UBE2N: variants seen among roughly 807,000 people sequenced by gnomAD.
UBE2N encodes ubiquitin-conjugating enzyme E2 N.
For synonymous variants in UBE2N, 70 were observed against 69.2 expected (o/e 1.01, Z -0.06); for missense variants, 60 against 192.1 (o/e 0.31, Z 4.07).
intron 1 of UBE2N, among the ~76,000 whole-genome samples, chr12:93,437,292 G>A (rs1272498801): frequency 1.3e-5 from 2 of 151,568 alleles, no homozygotes; most frequent in African/African-American, 4.9e-5. Context: ...TGTATATAGT[G>A]TACTATGATC....
intron 1 of UBE2N, among the ~76,000 whole-genome samples, chr12:93,430,613 A>T (rs73216897): frequency 0.014 from 2,148 of 151,432 alleles, 28 homozygotes; most frequent in Non-Finnish European, 0.019. Context: ...ACTTCTGATT[A>T]AAAAAAACCA....
At position 93,414,390 on chromosome 12, in the gene UBE2N, G is replaced by A. The variant is rs11835514; in HGVS notation, c.31-3091C>T. On this transcript the variant is annotated intron_variant, in intron 1 of 3. Coordinates refer to ENST00000318066, the MANE Select transcript of UBE2N (RefSeq NM_003348.4). ...CTTGAACCCCGGAGGTGGAGGTTGCGGTGAGCCCCGATCATGCCATTGCTC... is the reference window on the plus strand; with the variant it reads ...CTTGAACCCCGGAGGTGGAGGTTGCAGTGAGCCCCGATCATGCCATTGCTC... Among the ~76,000 whole-genome samples, 1,252 of 151,194 alleles carry A rather than the reference G, an allele frequency of 8.3e-3. 18 individuals are homozygous for A. The highest frequency in any genetic ancestry group is 0.027 in the African/African-American group (1,119 of 41,154).
intron 1 of UBE2N, among the ~76,000 whole-genome samples, chr12:93,440,145 C>CT (rs1411458280): frequency 1.2e-4 from 19 of 152,200 alleles, no homozygotes; most frequent in Admixed American, 1.2e-3. Flanking sequence ...TGTCAACTTG[C>CT]ATTATGTACT....
chr12:93,440,188 G>C (rs1050911392), intron 1 of UBE2N, among the ~76,000 whole-genome samples: 2 of 152,134 alleles, frequency 1.3e-5, no homozygotes, highest in Non-Finnish European at 2.9e-5. Flanking sequence ...CGAAAACAAG[G>C]ATATTTGATG....
rs183996073 is a variant in UBE2N, at chr12:93,439,365, G to C, written c.30+2490C>G. ...TGGTGGCATGCACCTTGCAGTCCCA[G>C]CTATTGAAGAGGCTTAAGTGGGAGG... is the stretch of plus-strand genomic sequence containing the variant. On this transcript the variant is annotated intron_variant, in intron 1 of 3. Transcript: ENST00000318066. 2.0e-5 allele frequency among the ~76,000 whole-genome samples: 3 copies of C among 152,294 alleles called. No homozygotes were observed. The East Asian group carries it at 5.8e-4, about 29-fold the overall frequency.
chr12:93,423,007 T>C (rs899212068), intron 1 of UBE2N, among the ~76,000 whole-genome samples: 1 of 152,244 alleles, frequency 6.6e-6, no homozygotes, highest in Non-Finnish European at 1.5e-5. Flanking sequence ...GTTGGTAGTA[T>C]GCATCCAGCA....
At chr12:93,415,262 T>C (rs1402115081) in intron 1 of UBE2N, among the ~76,000 whole-genome samples, 1 of 152,132 alleles carries the variant, frequency 6.6e-6, no homozygotes, top group Non-Finnish European at 1.5e-5. Flanking sequence ...CTACAGGGCA[T>C]ACGTTAAAAA....
At chr12:93,438,566 T>A (rs545963844) in intron 1 of UBE2N, among the ~76,000 whole-genome samples, 1 of 150,050 alleles carries the variant, frequency 6.7e-6, no homozygotes, top group Admixed American at 6.6e-5. Flanking sequence ...CAGGGCCTTA[T>A]AGCTAAGGGG....
chr12:93,418,690 T>C (rs1878299832), intron 1 of UBE2N, among the ~76,000 whole-genome samples: 2 of 151,724 alleles, frequency 1.3e-5, no homozygotes, highest in South Asian at 2.1e-4. Flanking sequence ...AGAAATATAA[T>C]ACAAGCCACG....
At chr12:93,432,533 T>A (rs538494053) in intron 1 of UBE2N, among the ~76,000 whole-genome samples, 2 of 151,398 alleles carry the variant, frequency 1.3e-5, no homozygotes, top group African/African-American at 4.8e-5. Context: ...GAGTATAAGC[T>A]ATAATCTTAA....
chr12:93,412,308 C>T (rs1012051829), intron 1 of UBE2N, among the ~76,000 whole-genome samples: 5 of 152,182 alleles, frequency 3.3e-5, no homozygotes, highest in African/African-American at 1.2e-4. Flanking sequence ...TATTTCATGA[C>T]AAGTTAGATA....
intron 1 of UBE2N, 54 bp from the exon 2 acceptor site, chr12:93,411,353 C>T: frequency 1.3e-6 from 2 of 1,539,898 alleles, no homozygotes. Flanking sequence ...TGCTAGACAC[C>T]AAAAGTAAAA....
intron 1 of UBE2N, among the ~76,000 whole-genome samples, chr12:93,441,623 C>A (rs1879112860): frequency 6.6e-6 from 1 of 152,044 alleles, no homozygotes; most frequent in Non-Finnish European, 1.5e-5. Flanking sequence ...GCCGGGCAGC[C>A]GCCTGGAAGC....
chr12:93,434,881 A>C (rs76703245), intron 1 of UBE2N, among the ~76,000 whole-genome samples: 3,027 of 151,284 alleles, frequency 0.02, 50 homozygotes, highest in South Asian at 0.069. Context: ...TCTTCATCAT[A>C]ATGAGTTTGT....
At chr12:93,415,656 A>G (rs1041988657) in intron 1 of UBE2N, among the ~76,000 whole-genome samples, 1 of 152,198 alleles carries the variant, frequency 6.6e-6, no homozygotes, top group African/African-American at 2.4e-5. Context: ...ACTGGATGGT[A>G]AAATTCCTTG....
intron 1 of UBE2N, among the ~76,000 whole-genome samples, chr12:93,412,263 T>TC (rs1315812097): frequency 6.6e-6 from 1 of 152,186 alleles, no homozygotes; most frequent in African/African-American, 2.4e-5. Flanking sequence ...AGCATCTCCA[T>TC]CCCCATCCTC....
At chr12:93,410,990 G>A in intron 2 of UBE2N, 63 bp downstream of exon 2, 1 of 1,613,116 alleles carries the variant, frequency 6.2e-7, no homozygotes, top group East Asian at 2.2e-5. Context: ...TCTAAACATG[G>A]AATGCTTAAG....
intron 1 of UBE2N, among the ~76,000 whole-genome samples, chr12:93,415,862 T>C (rs1372103995): frequency 2.6e-5 from 4 of 152,162 alleles, no homozygotes; most frequent in African/African-American, 7.2e-5. Context: ...CAAAAGCGTA[T>C]CCCAAAATAG....
intron 1 of UBE2N, among the ~76,000 whole-genome samples, chr12:93,429,713 A>G (rs867806189): frequency 3.9e-5 from 6 of 152,144 alleles, no homozygotes; most frequent in Non-Finnish European, 8.8e-5. Flanking sequence ...GCTGGAAGAC[A>G]GTGATACTGC....
Sources: allele counts gnomAD v4.1 joint callset (sites outside exome capture counted in the v4.1 genomes callset), GRCh38; gene constraint gnomAD v4.1.1; transcripts MANE v1.5; gene names NCBI Gene and HGNC (gene_info 2026-07-23, HGNC 2026-07-21).